The following VDAC1 variants were observed in gnomAD, a reference collection of about 807,000 sequenced individuals.
VDAC1 encodes the protein non-selective voltage-gated ion channel VDAC1.
A neutral mutation model predicts 34.7 loss-of-function variants in VDAC1; 10 were observed. The ratio of observed to expected loss-of-function variants is 0.29; its 90% confidence interval spans 0.18 to 0.49. VDAC1 has a LOEUF of 0.49. Among genes scored for constraint, VDAC1 ranks in the 20% least tolerant of loss-of-function variants. The pLI is 0.99. For missense variants in VDAC1, 230 were observed against 347.9 expected, an observed-to-expected ratio of 0.66 and a Z score of 2.69; for synonymous variants, 130 against 136.0, an observed-to-expected ratio of 0.96 and a Z score of 0.30.
At chr5:134,102,583 G>A in the VDAC1 span, among the ~76,000 whole-genome samples, 11,335 of 152,128 alleles carry the variant, frequency 0.075, 759 homozygotes, top group East Asian at 0.37. Flanking sequence ...CAGGAGAATC[G>A]CTTGAACCCG....
chr5:133,981,827 G>C (rs146719683), intron 5 of VDAC1, among the ~76,000 whole-genome samples: 2 of 152,128 alleles, frequency 1.3e-5, no homozygotes, highest in Non-Finnish European at 2.9e-5. Flanking sequence ...TTACAAGATC[G>C]ACATCTCCCA....
At chr5:134,088,924 C>T in the VDAC1 span, among the ~76,000 whole-genome samples, 1 of 152,244 alleles carries the variant, frequency 6.6e-6, no homozygotes, top group African/African-American at 2.4e-5. Context: ...TCAGCTTTTG[C>T]ACCACATATT....
the VDAC1 span, among the ~76,000 whole-genome samples, chr5:134,093,848 T>C: frequency 6.6e-6 from 1 of 152,200 alleles, no homozygotes; most frequent in Non-Finnish European, 1.5e-5. Context: ...GCTGAGCTGA[T>C]ACTCCCCAGA....
chr5:134,074,329 T>C, the VDAC1 span, among the ~76,000 whole-genome samples: 6 of 150,172 alleles, frequency 4.0e-5, no homozygotes, highest in Non-Finnish European at 7.4e-5. Flanking sequence ...AATAAATAAA[T>C]AAATAAATAA....
At chr5:134,022,813 G>A in the VDAC1 span, among the ~76,000 whole-genome samples, 1 of 152,194 alleles carries the variant, frequency 6.6e-6, no homozygotes, top group Admixed American at 6.5e-5. Flanking sequence ...TTATTAAAAA[G>A]TCAAGAAACA....
chr5:134,028,635 C>T, the VDAC1 span, among the ~76,000 whole-genome samples: 1 of 152,298 alleles, frequency 6.6e-6, no homozygotes, highest in East Asian at 1.9e-4. Flanking sequence ...CCTGGCATTG[C>T]TCTTCCTCCT....
the VDAC1 span, among the ~76,000 whole-genome samples, chr5:134,042,144 C>T: frequency 6.6e-6 from 1 of 152,142 alleles, no homozygotes; most frequent in East Asian, 1.9e-4. Flanking sequence ...GTGGGAAGGT[C>T]GGAAGCAGGG....
chr5:134,065,337 A>ATTTTTTTTTTTTTT, the VDAC1 span, among the ~76,000 whole-genome samples: 2 of 101,386 alleles, frequency 2.0e-5, no homozygotes, highest in African/African-American at 3.8e-5. Flanking sequence ...TTTAATTTTA[A>ATTTTTTTTTTTTTT]TTTTTTTTTT....
chr5:134,072,305 A>G, the VDAC1 span, among the ~76,000 whole-genome samples: 1 of 152,152 alleles, frequency 6.6e-6, no homozygotes. Context: ...ACTGCCCAGG[A>G]TTAAAACTGG....
chr5:134,002,124 C>T (rs151153765), intron 1 of VDAC1, among the ~76,000 whole-genome samples: 3 of 152,162 alleles, frequency 2.0e-5, no homozygotes, highest in Non-Finnish European at 4.4e-5. Flanking sequence ...CCATCAAAGG[C>T]GAAGTGGACT....
At chr5:134,016,921 A>G in the VDAC1 span, among the ~76,000 whole-genome samples, 3 of 152,176 alleles carry the variant, frequency 2.0e-5, no homozygotes, top group African/African-American at 7.2e-5. Flanking sequence ...TGACCAGACT[A>G]TGTCAGCCAC....
At chr5:133,979,723 C>T (rs1644289) in intron 6 of VDAC1, among the ~76,000 whole-genome samples, 2 of 152,096 alleles carry the variant, frequency 1.3e-5, no homozygotes, top group Non-Finnish European at 2.9e-5. Flanking sequence ...CCACGACGCC[C>T]GGCCAAAATG....
the VDAC1 span, among the ~76,000 whole-genome samples, chr5:134,086,053 G>A: frequency 0.73 from 111,450 of 151,996 alleles, 42,574 homozygotes; most frequent in Non-Finnish European, 0.86. Flanking sequence ...AAATGTAGCC[G>A]GGTGTGATGG....
chr5:134,072,699 G>T, the VDAC1 span, among the ~76,000 whole-genome samples: 64 of 152,296 alleles, frequency 4.2e-4, no homozygotes, highest in Admixed American at 1.6e-3. Context: ...AGGGCAGTAA[G>T]TCTTTCTGGA....
chr5:133,998,595 C>T (rs1260959607), intron 1 of VDAC1, among the ~76,000 whole-genome samples: 1 of 152,196 alleles, frequency 6.6e-6, no homozygotes, highest in African/African-American at 2.4e-5. Flanking sequence ...GTGTTGTGTC[C>T]CAAATCACGT....
At chr5:134,052,080 AC>A in the VDAC1 span, among the ~76,000 whole-genome samples, 15 of 152,166 alleles carry the variant, frequency 9.9e-5, no homozygotes, top group Non-Finnish European at 1.5e-4. Flanking sequence ...GCAGGTCATA[AC>A]CCCTCATTTG....
chr5:134,038,539 A>G, the VDAC1 span, among the ~76,000 whole-genome samples: 3 of 152,222 alleles, frequency 2.0e-5, no homozygotes, highest in South Asian at 4.1e-4. Flanking sequence ...CCCCCCACAA[A>G]TATCATTCAG....
the VDAC1 span, among the ~76,000 whole-genome samples, chr5:134,100,548 T>C: frequency 6.6e-5 from 10 of 152,142 alleles, no homozygotes; most frequent in Non-Finnish European, 1.2e-4. Flanking sequence ...TGCCTAGAGG[T>C]AGCAGCTCCT....
intron 6 of VDAC1, chr5:133,976,331 C>A: frequency 4.4e-6 from 1 of 226,264 alleles, no homozygotes; most frequent in South Asian, 7.6e-5. Context: ...CATGGTGAAA[C>A]CCTGTTTCTA....
Sources: gnomAD v4.1 joint callset for allele counts (sites outside exome capture counted in the v4.1 genomes callset) on GRCh38, gnomAD v4.1.1 for gene constraint, MANE v1.5 for transcripts, NCBI Gene and HGNC (gene_info 2026-07-23, HGNC 2026-07-21) for gene names.